Variants in SHD observed in about 807,000 individuals in gnomAD.
SHD encodes Src homology 2 domain containing transforming protein D, also known as SH2 domain-containing adapter protein D.
A neutral mutation model predicts 31.2 loss-of-function variants in SHD; 29 were observed. The observed-to-expected ratio is 0.93, with a 90% CI of 0.69 to 1.27. SHD has a LOEUF of 1.27. SHD is among the 50% of genes most tolerant of loss of function. The probability of loss-of-function intolerance (pLI) is 0.00; values close to 1 mark genes in which losing one functional copy is unlikely to be tolerated. For missense variants in SHD, 520 were observed against 453.8 expected, an observed-to-expected ratio of 1.15 and a Z score of -1.33; for synonymous variants, 208 against 187.8, an observed-to-expected ratio of 1.11 and a Z score of -0.88.
rs754509173 is a variant in SHD at position 4,284,785 on chromosome 19, G to A, written c.597G>A (p.Gln199=). 3 of 1,601,894 alleles carry A rather than the reference G, an allele frequency of 1.9e-6. No individual in the cohort carries two copies. Among genetic ancestry groups the A allele is most frequent in the African/African-American group, 2.7e-5 (2 of 74,348 alleles). Residue 199 remains glutamine (Q), a synonymous_variant, in exon 4 of 6, where the codon CAG becomes CAA. Coordinates refer to ENST00000543264, the MANE Select transcript of SHD (RefSeq NM_020209.4). ...CTCTCTAAATCTCCTTTCCAGTGCA[G>A]TTTGACAGTCCAGAGTGGGAGAGGA... is the stretch of plus-strand genomic sequence containing the variant. ...KDHISRAFAV[Q]FDSPEWERTP...
intron 4 of SHD, among the ~76,000 whole-genome samples, chr19:4,287,286 C>T (rs1238480133): frequency 1.3e-5 from 2 of 150,480 alleles, no homozygotes; most frequent in South Asian, 2.1e-4. Context: ...GAGCCGAGAT[C>T]GTGCCACTGC....
chr19:4,290,072 C>T (rs973310558), intron 5 of SHD, among the ~76,000 whole-genome samples: 3 of 151,390 alleles, frequency 2.0e-5, no homozygotes, highest in Non-Finnish European at 2.9e-5. Context: ...GATGGGGTTT[C>T]ACCATGTTGG....
chr19:4,281,977 T>C (rs1971260786), intron 1 of SHD, among the ~76,000 whole-genome samples: 1 of 152,104 alleles, frequency 6.6e-6, no homozygotes, highest in African/African-American at 2.4e-5. Context: ...TCCTTGACAA[T>C]AGTGCACGGA....
At chr19:4,284,946 A>G in intron 4 of SHD, 42 bp downstream of exon 4, 1 of 1,510,292 alleles carries the variant, frequency 6.6e-7, no homozygotes, top group Non-Finnish European at 8.9e-7. Context: ...CGTTGAACGT[A>G]TCTGTAGACT....
intron 1 of SHD, 68 bp from the exon 2 acceptor site, chr19:4,282,802 A>T: frequency 7.6e-7 from 1 of 1,318,372 alleles, no homozygotes; most frequent in Non-Finnish European, 1.1e-6. Context: ...GGCAGGCAAG[A>T]GGTGCAGCGT....
chr19:4,282,265 C>G (rs1333949324), intron 1 of SHD, among the ~76,000 whole-genome samples: 1 of 151,842 alleles, frequency 6.6e-6, no homozygotes. Flanking sequence ...ACTAAAAATG[C>G]AAAAATTAGC....
chr19:4,282,002 G>A (rs1417799648), intron 1 of SHD, among the ~76,000 whole-genome samples: 1 of 152,188 alleles, frequency 6.6e-6, no homozygotes, highest in Non-Finnish European at 1.5e-5. Flanking sequence ...CACTGAAGTG[G>A]GCGAAGGAGG....
At chr19:4,286,182 G>A (rs537055415) in intron 4 of SHD, among the ~76,000 whole-genome samples, 1 of 151,814 alleles carries the variant, frequency 6.6e-6, no homozygotes. Flanking sequence ...ATGAGCCACC[G>A]CACCTGGCCC....
At chr19:4,280,542 A>G (rs1481522888) in intron 1 of SHD, among the ~76,000 whole-genome samples, 182 bp downstream of exon 1, 1 of 151,952 alleles carries the variant, frequency 6.6e-6, no homozygotes, top group Non-Finnish European at 1.5e-5. Context: ...GTATTTATTT[A>G]TTTTGAGACA....
At chr19:4,288,129 T>C (rs908435360) in intron 4 of SHD, 114 bp from the exon 5 acceptor site, 5 of 1,284,494 alleles carry the variant, frequency 3.9e-6, no homozygotes, top group African/African-American at 1.5e-5. Context: ...GGTTTCGAAC[T>C]CCTGACCTCA....
At chr19:4,288,454 C>T (rs1971343479) in intron 5 of SHD, 92 bp downstream of exon 5, 1 of 1,442,172 alleles carries the variant, frequency 6.9e-7, no homozygotes, top group African/African-American at 1.4e-5. Flanking sequence ...GGTGTGGCTC[C>T]CGCAGCCATA....
intron 5 of SHD, among the ~76,000 whole-genome samples, chr19:4,289,851 G>T (rs1271322596): frequency 6.6e-6 from 1 of 151,736 alleles, no homozygotes; most frequent in Non-Finnish European, 1.5e-5. Flanking sequence ...GATTACAGGC[G>T]TGAGCCACCG....
intron 4 of SHD, among the ~76,000 whole-genome samples, chr19:4,287,669 C>T (rs1971334398): frequency 6.6e-6 from 1 of 151,892 alleles, no homozygotes; most frequent in South Asian, 2.1e-4. Context: ...CCTGTAGTTC[C>T]AGCTACTCTG....
In SHD at chr19:4,282,964, G is replaced by C. The variant is rs754726669; in HGVS notation, c.392G>C (p.Trp131Ser). 2 of 1,614,078 alleles carry C rather than the reference G, an allele frequency of 1.2e-6. No homozygotes were observed. Among genetic ancestry groups the C allele is most frequent in the Non-Finnish European group, 8.5e-7 (1 of 1,180,006 alleles). The change falls in exon 2 of 6, where the codon TGG becomes TCG. Residue 131 changes from tryptophan to serine, a missense_variant. By Grantham distance (177) the Trp-to-Ser change is radical. Transcript: ENST00000543264. ...DGYMEPYDAQ[W>S]VMSELPGRGV... ...TACATGGAGCCCTACGATGCCCAAT[G>C]GGTCATGAGTGGTGAGTAGGCACGG... is the stretch of plus-strand genomic sequence containing the variant.
Position 4,283,226 on chromosome 19 carries a change from C to T in SHD, c.576C>T (p.Ile192=), listed in dbSNP as rs567523086. 1 of 1,612,690 alleles carries T rather than the reference C, an allele frequency of 6.2e-7. No homozygotes were observed. Among genetic ancestry groups the T allele is most frequent in the East Asian group, 2.2e-5 (1 of 44,848 alleles). ...DQPWEWKKDH[I]SRAFAVQFDS... is the part of the protein sequence containing the mutation. Reference sequence around the variant, plus strand: ...CCTGGGAGTGGAAGAAAGACCACATCTCCAGGGCGTTTGCAGGTGCTTCTC... The same window carrying T: ...CCTGGGAGTGGAAGAAAGACCACATTTCCAGGGCGTTTGCAGGTGCTTCTC... Residue 192 remains isoleucine, a synonymous_variant, in exon 3 of 6, where the codon ATC becomes ATT. Coordinates refer to ENST00000543264, the MANE Select transcript of SHD (RefSeq NM_020209.4).
chr19:4,280,372 G>A lies in SHD; in HGVS notation c.297+12G>A, dbSNP rs10418284. On this transcript the variant is annotated intron_variant, in intron 1 of 5. Transcript: ENST00000543264. ...GCCCCGGGGAGGAGGTGCGTGGCTG[G>A]GTGGCCTGGGGAGACTGGGTGGAGG... 1.9e-3 allele frequency: 2,914 copies of A among 1,547,912 alleles called. 51 individuals carry two copies. In the African/African-American group the frequency reaches 0.035, roughly 19 times the overall value.
intron 1 of SHD, among the ~76,000 whole-genome samples, chr19:4,282,477 G>A (rs1458356991): frequency 6.6e-6 from 1 of 152,066 alleles, no homozygotes; most frequent in Non-Finnish European, 1.5e-5. Flanking sequence ...TGTAATCCCA[G>A]CACGTTGGGA....
intron 3 of SHD, among the ~76,000 whole-genome samples, chr19:4,283,447 C>T (rs1599512450): frequency 6.6e-6 from 1 of 152,150 alleles, no homozygotes; most frequent in African/African-American, 2.4e-5. Flanking sequence ...AACGCAAACA[C>T]TTTTTAGAGT....
chr19:4,286,106 G>A (rs991169889), intron 4 of SHD, among the ~76,000 whole-genome samples: 3 of 151,340 alleles, frequency 2.0e-5, no homozygotes, highest in African/African-American at 7.3e-5. Flanking sequence ...TAGCCAGGCT[G>A]GTCTCAAACT....
Sources: gnomAD v4.1 joint callset for allele counts (sites outside exome capture counted in the v4.1 genomes callset) on GRCh38, gnomAD v4.1.1 for gene constraint, MANE v1.5 for transcripts, NCBI Gene and HGNC (gene_info 2026-07-23, HGNC 2026-07-21) for gene names.